Variants in MALRD1 observed in about 807,000 individuals in gnomAD.
The protein encoded by MALRD1 is MAM and LDL-receptor class A domain-containing protein 1.
A neutral mutation model predicts 242.1 loss-of-function variants in MALRD1; 247 were observed. That is an observed-to-expected ratio of 1.02 (90% confidence interval 0.92 to 1.13). The LOEUF is 1.13. Among genes scored for constraint, MALRD1 ranks in the 50% most tolerant of loss-of-function variants. MALRD1 has a pLI of 0.00. For synonymous variants in MALRD1, 995 were observed against 866.6 expected (o/e 1.15, Z -2.60); for missense variants, 2,989 against 2,533.1 (o/e 1.18, Z -3.86).
Position 19,430,074 on chromosome 10 carries a change from G to A in MALRD1, c.4846-20233G>A, listed in dbSNP as rs1411698656. 5.6e-5 allele frequency among the ~76,000 whole-genome samples: 8 copies of A among 143,600 alleles called. No individual in the cohort carries two copies. The South Asian group carries it at 6.6e-4, about 12-fold the overall frequency. The allele number at this position is 143,600 out of a possible 152,430, so 94.2% of individuals were successfully genotyped here. A position where few individuals can be genotyped will look rare whatever the true frequency, so the allele number is the denominator to read the frequency against. On this transcript the variant is annotated intron_variant, in intron 28 of 39. Coordinates refer to ENST00000454679, the MANE Select transcript of MALRD1 (RefSeq NM_001142308.3). ...ATACTCCAGTGCCTTCAATCATGCC[G>A]CTTCTTGGTTTCTTTGCTTGGAATT...
chr10:19,443,383 T>C (rs1463180688), intron 28 of MALRD1, among the ~76,000 whole-genome samples: 1 of 152,230 alleles, frequency 6.6e-6, no homozygotes, highest in Non-Finnish European at 1.5e-5. Context: ...TGTTTGCTCT[T>C]GCTTCTTTAG....
At chr10:19,491,390 T>A in intron 29 of MALRD1, 127 bp from the exon 30 acceptor site, 2 of 1,150,306 alleles carry the variant, frequency 1.7e-6, no homozygotes, top group Middle Eastern at 4.3e-4. Flanking sequence ...GGGAAGTCCA[T>A]CTTAGGCAAC....
intron 21 of MALRD1, among the ~76,000 whole-genome samples, chr10:19,315,659 TTATATGAC>T (rs1262267317): frequency 7.7e-6 from 1 of 129,944 alleles, no homozygotes; most frequent in Non-Finnish European, 1.6e-5. Context: ...TAAATATTAT[TTATATGAC>T]TATAGTTATA....
chr10:19,469,459 A>G (rs554303409), intron 29 of MALRD1, among the ~76,000 whole-genome samples: 1 of 152,242 alleles, frequency 6.6e-6, no homozygotes, highest in East Asian at 1.9e-4. Context: ...ACAAAATTGT[A>G]TGCTTGCTCT....
chr10:19,694,574 CA>C (rs1372210919), intron 38 of MALRD1, among the ~76,000 whole-genome samples: 1 of 152,152 alleles, frequency 6.6e-6, no homozygotes, highest in African/African-American at 2.4e-5. Context: ...CAGGAAACAG[CA>C]GGTGCTAGAG....
intron 28 of MALRD1, among the ~76,000 whole-genome samples, chr10:19,396,854 A>G (rs1846606700): frequency 6.6e-6 from 1 of 152,208 alleles, no homozygotes; most frequent in Non-Finnish European, 1.5e-5. Flanking sequence ...TTAGCTTGCC[A>G]GCATCTAGTA....
chr10:19,698,115 TTCTC>T (rs1365258411), intron 38 of MALRD1, among the ~76,000 whole-genome samples: 1 of 152,224 alleles, frequency 6.6e-6, no homozygotes, highest in African/African-American at 2.4e-5. Flanking sequence ...AGCTGAATAT[TTCTC>T]TAACTACTTT....
At chr10:19,065,662 A>G (rs1233251137) in intron 1 of MALRD1, among the ~76,000 whole-genome samples, 1 of 152,192 alleles carries the variant, frequency 6.6e-6, no homozygotes, top group Non-Finnish European at 1.5e-5. Context: ...TATTTTTAGA[A>G]TGTGACATTC....
intron 31 of MALRD1, among the ~76,000 whole-genome samples, chr10:19,500,535 T>C (rs747417234): frequency 2.6e-5 from 4 of 152,022 alleles, no homozygotes; most frequent in Non-Finnish European, 5.9e-5. Flanking sequence ...AATAAGAAAA[T>C]CTTTGCAAGA....
At chr10:19,474,459 C>A (rs555180196) in intron 29 of MALRD1, among the ~76,000 whole-genome samples, 1 of 151,980 alleles carries the variant, frequency 6.6e-6, no homozygotes, top group Admixed American at 6.6e-5. Flanking sequence ...ACAAAATATT[C>A]TTTGCTCTAA....
intron 36 of MALRD1, among the ~76,000 whole-genome samples, chr10:19,655,249 G>C (rs1335739002): frequency 1.3e-5 from 2 of 151,874 alleles, no homozygotes; most frequent in African/African-American, 4.8e-5. Flanking sequence ...ATGCAAATTG[G>C]AGACTTTTTA....
chr10:19,611,440 A>C (rs1457230804), intron 35 of MALRD1, among the ~76,000 whole-genome samples: 2 of 151,954 alleles, frequency 1.3e-5, no homozygotes, highest in Non-Finnish European at 2.9e-5. Context: ...TTCCAATGAG[A>C]TGTATCAGAA....
intron 38 of MALRD1, among the ~76,000 whole-genome samples, chr10:19,723,225 C>A (rs181326890): frequency 4.1e-4 from 62 of 152,282 alleles, no homozygotes; most frequent in African/African-American, 1.4e-3. Flanking sequence ...GGGAAAATAT[C>A]TTTTGATAGA....
intron 31 of MALRD1, among the ~76,000 whole-genome samples, chr10:19,512,405 TTTGCCCA>T (rs1389314737): frequency 6.6e-6 from 1 of 152,220 alleles, no homozygotes; most frequent in Admixed American, 6.5e-5. Context: ...CAGTAATACA[TTTGCCCA>T]AGGCAATCCA....
At chr10:19,520,740 T>G (rs138582202) in intron 31 of MALRD1, among the ~76,000 whole-genome samples, 106 of 152,278 alleles carry the variant, frequency 7.0e-4, no homozygotes, top group African/African-American at 2.5e-3. Flanking sequence ...ACCTTAGTGA[T>G]GTTTCGACAA....
intron 38 of MALRD1, among the ~76,000 whole-genome samples, chr10:19,718,001 T>A (rs1393909140): frequency 1.5e-5 from 2 of 131,900 alleles, no homozygotes; most frequent in East Asian, 4.2e-4. Context: ...AGATTCTACC[T>A]AAATAAATAA....
At chr10:19,302,514 A>G (rs1889518) in intron 21 of MALRD1, among the ~76,000 whole-genome samples, 20,465 of 151,848 alleles carry the variant, frequency 0.13, 1,684 homozygotes, top group South Asian at 0.35. Flanking sequence ...ACATTATACT[A>G]AGTGAAAGAA....
intron 12 of MALRD1, 70 bp from the exon 13 acceptor site, chr10:19,165,567 A>G: frequency 8.6e-7 from 1 of 1,165,470 alleles, no homozygotes; most frequent in African/African-American, 1.6e-5. Flanking sequence ...GGAATATTTC[A>G]AATTATAGGA....
intron 31 of MALRD1, among the ~76,000 whole-genome samples, chr10:19,508,399 A>G (rs900207229): frequency 1.3e-5 from 2 of 152,184 alleles, no homozygotes; most frequent in African/African-American, 4.8e-5. Flanking sequence ...CTGTGATGTA[A>G]AACATGATGT....
Sources: gnomAD v4.1 joint callset for allele counts (sites outside exome capture counted in the v4.1 genomes callset) on GRCh38, gnomAD v4.1.1 for gene constraint, MANE v1.5 for transcripts, NCBI Gene and HGNC (gene_info 2026-07-23, HGNC 2026-07-21) for gene names.